Variants in EIF3K observed in about 807,000 individuals in gnomAD.
The protein encoded by EIF3K is eukaryotic translation initiation factor 3 subunit K.
In EIF3K, 27 loss-of-function variants were observed where a neutral mutation model predicts 34.2. That is an observed-to-expected ratio of 0.79 (90% CI 0.58 to 1.09). The LOEUF is 1.09. EIF3K is among the 50% of genes least tolerant of loss of function. The pLI, the probability that EIF3K is intolerant of heterozygous loss-of-function variation, is 0.00. For synonymous variants in EIF3K, 105 were observed against 105.7 expected (o/e 0.99, Z 0.04); for missense variants, 232 against 275.4 (o/e 0.84, Z 1.11).
chr19:38,620,414 C>G lies in EIF3K; in HGVS notation c.137C>G (p.Ala46Gly), dbSNP rs376238584. 6.2e-7 allele frequency: 1 copy of G among 1,613,890 alleles called. No individual in the cohort carries two copies. Among genetic ancestry groups the G allele is most frequent in the Non-Finnish European group, 8.5e-7 (1 of 1,179,942 alleles). ...AAGGAAAATGCCTATGATCTGGAAG[C>G]CAACCTGGCTGTCCTGAAGCTGTAA... ...QAKENAYDLE[A>G]NLAVLKLYQF... Residue 46 changes from alanine to glycine, a missense_variant, in exon 2 of 8, where the codon GCC becomes GGC. Transcript: ENST00000248342.
At chr19:38,622,913 G>C (rs150199031) in intron 2 of EIF3K, among the ~76,000 whole-genome samples, 6 of 152,368 alleles carry the variant, frequency 3.9e-5, no homozygotes, top group African/African-American at 1.4e-4. Flanking sequence ...CAGAGTTTAA[G>C]GTTCTCTCTC....
intron 4 of EIF3K, among the ~76,000 whole-genome samples, chr19:38,629,254 G>GT (rs1033389810): frequency 7.4e-5 from 11 of 149,546 alleles, no homozygotes; most frequent in East Asian, 4.0e-4. Flanking sequence ...AGATAGACAG[G>GT]TTTTTTTTGT....
chr19:38,630,484 G>A (rs1976041233), intron 4 of EIF3K, among the ~76,000 whole-genome samples: 1 of 151,378 alleles, frequency 6.6e-6, no homozygotes. Flanking sequence ...AGCTGGGTCT[G>A]CAGGCACATG....
In EIF3K at chr19:38,635,136, G is replaced by A. The variant is rs1214999399; in HGVS notation, c.625+18G>A. On this transcript the variant is annotated intron_variant, in intron 7 of 7. Coordinates refer to ENST00000248342, the MANE Select transcript of EIF3K (RefSeq NM_013234.4). The stretch of plus-strand genomic sequence containing the variant: ...CTTTGACAGTGAGTGGTGACCCACG[G>A]CCTCGGGCTTTGGGGCTAAGGGGGT... 1 of 1,614,092 alleles carries A rather than the reference G, an allele frequency of 6.2e-7. No individual in the cohort carries two copies. Among genetic ancestry groups the A allele is most frequent in the Non-Finnish European group, 8.5e-7 (1 of 1,180,052 alleles).
intron 7 of EIF3K, among the ~76,000 whole-genome samples, chr19:38,636,076 C>T (rs1194427582): frequency 1.3e-5 from 2 of 152,226 alleles, no homozygotes; most frequent in Admixed American, 6.5e-5. Context: ...CCTCTAAACG[C>T]CGCGTGACTG....
chr19:38,629,744 A>G (rs1161040348), intron 4 of EIF3K, among the ~76,000 whole-genome samples: 1 of 152,176 alleles, frequency 6.6e-6, no homozygotes, highest in African/African-American at 2.4e-5. Context: ...ATGGAGGAGA[A>G]TTCCATACAC....
At chr19:38,625,561 G>A (rs61180233) in intron 3 of EIF3K, among the ~76,000 whole-genome samples, 1,578 of 149,306 alleles carry the variant, frequency 0.011, 33 homozygotes, top group African/African-American at 0.034. Context: ...CCAGGCTGGC[G>A]TGCAAAGGCG....
At chr19:38,622,453 G>A (rs181092110) in intron 2 of EIF3K, among the ~76,000 whole-genome samples, 57 of 152,340 alleles carry the variant, frequency 3.7e-4, no homozygotes, top group African/African-American at 1.3e-3. Context: ...AGGGGAGGGA[G>A]TGTGCGAATA....
chr19:38,619,594 T>C (rs1285808372), intron 1 of EIF3K, among the ~76,000 whole-genome samples: 1 of 152,120 alleles, frequency 6.6e-6, no homozygotes. Context: ...ACCCCGTCTC[T>C]AAAAGAAAGA....
At chr19:38,636,176 C>A (rs1976187002) in intron 7 of EIF3K, among the ~76,000 whole-genome samples, 1 of 152,138 alleles carries the variant, frequency 6.6e-6, no homozygotes, top group Admixed American at 6.6e-5. Flanking sequence ...TTCTGTTGCC[C>A]CACCCCACCT....
At position 38,635,048 on chromosome 19, in the gene EIF3K, G is replaced by A. The variant is rs373079379; in HGVS notation, c.555G>A (p.Gly185=). The part of the protein sequence containing the change: ...SKYGWSADES[G]QIFICSQEES... ...ACGGCTGGAGTGCCGACGAGTCGGGGCAGATCTTCATCTGTAGCCAAGAAG... is the reference window on the plus strand; with the variant it reads ...ACGGCTGGAGTGCCGACGAGTCGGGACAGATCTTCATCTGTAGCCAAGAAG... The change falls in exon 7 of 8, where the codon GGG becomes GGA. Residue 185 remains glycine (G), a synonymous_variant. Coordinates refer to ENST00000248342, the MANE Select transcript of EIF3K (RefSeq NM_013234.4). The A allele has an allele frequency of 5.6e-6, 9 of 1,614,058 alleles. No individual in the cohort carries two copies. Among genetic ancestry groups the A allele is most frequent in the African/African-American group, 1.3e-5 (1 of 74,948 alleles).
intron 4 of EIF3K, among the ~76,000 whole-genome samples, chr19:38,627,481 G>A (rs1301713076): frequency 2.0e-5 from 3 of 151,720 alleles, no homozygotes; most frequent in Non-Finnish European, 2.9e-5. Flanking sequence ...CCTGACCAAC[G>A]TGGAGAAATA....
At chr19:38,636,659 C>G (rs901395594) in intron 7 of EIF3K, among the ~76,000 whole-genome samples, 3 of 152,156 alleles carry the variant, frequency 2.0e-5, no homozygotes, top group Non-Finnish European at 2.9e-5. Flanking sequence ...TGTTCAGTAA[C>G]TTGTCCAAGT....
At chr19:38,633,423 G>A (rs1489074511) in intron 6 of EIF3K, among the ~76,000 whole-genome samples, 1 of 152,208 alleles carries the variant, frequency 6.6e-6, no homozygotes, top group Admixed American at 6.5e-5. Context: ...GGAAGGCCGG[G>A]TGCGGTGGCT....
intron 4 of EIF3K, chr19:38,626,348 A>G: frequency 4.2e-6 from 2 of 480,442 alleles, no homozygotes; most frequent in Non-Finnish European, 7.5e-6. Context: ...TCTAGTACAC[A>G]CCGTTGATCA....
intron 4 of EIF3K, chr19:38,630,561 G>C (rs1348665141): frequency 6.6e-6 from 1 of 151,888 alleles, no homozygotes; most frequent in African/African-American, 2.4e-5. Context: ...AGCCGGGATG[G>C]TCTCGATCTC....
intron 3 of EIF3K, among the ~76,000 whole-genome samples, chr19:38,624,719 C>CA (rs1422691795): frequency 6.6e-6 from 1 of 151,596 alleles, no homozygotes; most frequent in Non-Finnish European, 1.5e-5. Flanking sequence ...CCCTGGGTGA[C>CA]ACAGTGAGAC....
chr19:38,621,083 G>A (rs1330662601), intron 2 of EIF3K, among the ~76,000 whole-genome samples: 2 of 151,418 alleles, frequency 1.3e-5, no homozygotes, highest in Admixed American at 6.6e-5. Context: ...TGTAGTTCCA[G>A]CTACTTGAGA....
intron 6 of EIF3K, among the ~76,000 whole-genome samples, chr19:38,634,336 C>T (rs1311608224): frequency 1.4e-5 from 2 of 147,784 alleles, no homozygotes; most frequent in Non-Finnish European, 3.0e-5. Flanking sequence ...CGGTGGCTCA[C>T]ACCTGTAATC....
Sources: allele counts gnomAD v4.1 joint callset (sites outside exome capture counted in the v4.1 genomes callset), GRCh38; gene constraint gnomAD v4.1.1; transcripts MANE v1.5; gene names NCBI Gene and HGNC (gene_info 2026-07-23, HGNC 2026-07-21).